The following AMBRA1 variants were observed in gnomAD, a reference collection of about 807,000 sequenced individuals.
The protein encoded by AMBRA1 is autophagy and beclin 1 regulator 1.
AMBRA1 carries 47 observed loss-of-function variants against 125.4 expected under a neutral mutation model. That is an observed-to-expected ratio of 0.37 (90% confidence interval 0.30 to 0.48). The LOEUF (loss-of-function observed/expected upper bound fraction) is 0.48, where lower values mean the gene tolerates loss of function less well. Among genes scored for constraint, AMBRA1 ranks in the 20% least tolerant of loss-of-function variants. The probability of loss-of-function intolerance (pLI) is 0.99; values close to 1 mark genes in which losing one functional copy is unlikely to be tolerated. For synonymous variants in AMBRA1, 626 were observed against 655.5 expected (o/e 0.95, Z 0.69); for missense variants, 1,331 against 1,693.4 (o/e 0.79, Z 3.76).
chr11:46,501,035 T>C (rs1950818684), intron 9 of AMBRA1, among the ~76,000 whole-genome samples: 1 of 152,244 alleles, frequency 6.6e-6, no homozygotes, highest in Non-Finnish European at 1.5e-5. Flanking sequence ...TAGGGGCTCA[T>C]CTGCCACACA....
At chr11:46,578,284 C>T (rs1591175594) in intron 1 of AMBRA1, among the ~76,000 whole-genome samples, 1 of 151,576 alleles carries the variant, frequency 6.6e-6, no homozygotes, top group African/African-American at 2.4e-5. Context: ...CTCAGGAGTT[C>T]GAGACCAGCT....
chr11:46,490,441 C>CCTTATA (rs1950420544), intron 11 of AMBRA1, among the ~76,000 whole-genome samples: 1 of 152,258 alleles, frequency 6.6e-6, no homozygotes, highest in South Asian at 2.1e-4. Flanking sequence ...CAATAACTTA[C>CCTTATA]TCTTCACCTT....
At chr11:46,477,436 GCC>G (rs1949861252) in intron 11 of AMBRA1, among the ~76,000 whole-genome samples, 1 of 148,184 alleles carries the variant, frequency 6.7e-6, no homozygotes, top group African/African-American at 2.5e-5. Context: ...TCCCACCTCA[GCC>G]TCCTGAGTAG....
intron 16 of AMBRA1, 62 bp from the exon 17 acceptor site, chr11:46,408,768 C>T (rs2136616204): frequency 7.0e-7 from 1 of 1,438,564 alleles, no homozygotes; most frequent in South Asian, 1.5e-5. Context: ...TCACAGCACT[C>T]TGCTGGCTCT....
chr11:46,585,168 T>G (rs1049935539), intron 1 of AMBRA1, among the ~76,000 whole-genome samples: 1 of 151,818 alleles, frequency 6.6e-6, no homozygotes, highest in African/African-American at 2.4e-5. Flanking sequence ...TCGTTAAGAG[T>G]CATCACCACT....
chr11:46,571,701 T>C (rs2043762761), intron 1 of AMBRA1, among the ~76,000 whole-genome samples: 2 of 103,976 alleles, frequency 1.9e-5, no homozygotes, highest in South Asian at 7.9e-4. Flanking sequence ...TTTTTTTTTT[T>C]TTTTTGAGAC....
intron 1 of AMBRA1, among the ~76,000 whole-genome samples, chr11:46,575,785 G>C (rs183746330): frequency 6.6e-6 from 1 of 152,146 alleles, no homozygotes; most frequent in African/African-American, 2.4e-5. Context: ...AAAGTGCTGG[G>C]ATTATAGGCG....
intron 11 of AMBRA1, among the ~76,000 whole-genome samples, chr11:46,478,703 G>A (rs185594246): frequency 2.6e-5 from 3 of 116,912 alleles, no homozygotes; most frequent in African/African-American, 1.0e-4. Context: ...TGCCCAGGCT[G>A]GAGTGCAATG....
chr11:46,513,555 G>A (rs991637610), intron 7 of AMBRA1, among the ~76,000 whole-genome samples: 6 of 151,930 alleles, frequency 3.9e-5, no homozygotes, highest in African/African-American at 1.2e-4. Context: ...GAGAACACTG[G>A]GCCCAGAAGT....
chr11:46,552,029 A>C (rs1591102143), intron 1 of AMBRA1, among the ~76,000 whole-genome samples: 3 of 150,426 alleles, frequency 2.0e-5, no homozygotes, highest in East Asian at 3.9e-4. Flanking sequence ...CTCCATCTCC[A>C]AAAAAAAATT....
intron 7 of AMBRA1, among the ~76,000 whole-genome samples, chr11:46,529,254 TCTG>T (rs1484848729): frequency 1.3e-5 from 2 of 152,232 alleles, no homozygotes; most frequent in African/African-American, 4.8e-5. Context: ...GTAATGGAGA[TCTG>T]CTCACTAGTG....
At chr11:46,425,948 C>T (rs909059955) in intron 14 of AMBRA1, among the ~76,000 whole-genome samples, 43 of 151,430 alleles carry the variant, frequency 2.8e-4, no homozygotes, top group African/African-American at 9.7e-4. Flanking sequence ...AGATCAAGAC[C>T]ATTCTGGCTA....
chr11:46,517,176 T>G (rs1951528796), intron 7 of AMBRA1, among the ~76,000 whole-genome samples: 2 of 148,810 alleles, frequency 1.3e-5, no homozygotes, highest in African/African-American at 2.5e-5. Context: ...GAGATGGAGT[T>G]TCCCTCTTTT....
chr11:46,495,229 T>C (rs1950591372), intron 9 of AMBRA1: 1 of 152,194 alleles, frequency 6.6e-6, no homozygotes, highest in South Asian at 2.1e-4. Context: ...ACAAAATAAA[T>C]GAACCTTTGA....
At chr11:46,559,298 C>CA (rs35357993) in intron 1 of AMBRA1, among the ~76,000 whole-genome samples, 21,179 of 141,126 alleles carry the variant, frequency 0.15, 1,538 homozygotes, top group Non-Finnish European at 0.18. Flanking sequence ...GACCCTGTCT[C>CA]AAAAAAAAAA....
intron 7 of AMBRA1, among the ~76,000 whole-genome samples, chr11:46,526,070 TG>T (rs1951957364): frequency 6.6e-6 from 1 of 151,568 alleles, no homozygotes; most frequent in Non-Finnish European, 1.5e-5. Flanking sequence ...CCAGGCAGGG[TG>T]GAATATGCCT....
At chr11:46,434,135 A>G (rs2136710662) in intron 13 of AMBRA1, among the ~76,000 whole-genome samples, 1 of 151,348 alleles carries the variant, frequency 6.6e-6, no homozygotes, top group East Asian at 1.9e-4. Flanking sequence ...AAAAAAAAAA[A>G]AAGAAAGAAA....
intron 11 of AMBRA1, among the ~76,000 whole-genome samples, chr11:46,490,197 A>G (rs540750141): frequency 2.0e-5 from 3 of 152,288 alleles, no homozygotes; most frequent in South Asian, 2.1e-4. Context: ...TTCTCCCACA[A>G]TTTTACCTGG....
chr11:46,482,882 G>A (rs189613609), intron 11 of AMBRA1, among the ~76,000 whole-genome samples: 35 of 152,048 alleles, frequency 2.3e-4, no homozygotes, highest in Non-Finnish European at 4.7e-4. Context: ...GGTGGCATGC[G>A]CCTGTAGTTC....
Sources: allele counts gnomAD v4.1 joint callset (sites outside exome capture counted in the v4.1 genomes callset), GRCh38; gene constraint gnomAD v4.1.1; transcripts MANE v1.5; gene names NCBI Gene and HGNC (gene_info 2026-07-23, HGNC 2026-07-21).